TBC1D32: variants seen among roughly 807,000 people sequenced by gnomAD.
TBC1D32 encodes the protein TBC1 domain family member 32.
A neutral mutation model predicts 170.3 loss-of-function variants in TBC1D32; 151 were observed. The observed-to-expected ratio is 0.89, with a 90% confidence interval of 0.78 to 1.01. The LOEUF (loss-of-function observed/expected upper bound fraction) is 1.01. Ranked by LOEUF, TBC1D32 falls within the 50% of genes least tolerant of loss-of-function variation. The pLI is 0.00. For missense variants in TBC1D32, 1,464 were observed against 1,457.1 expected (o/e 1.00, Z -0.08); for synonymous variants, 498 against 488.0 (o/e 1.02, Z -0.27).
chr6:121,288,180 C>G (rs1243704299), intron 12 of TBC1D32, among the ~76,000 whole-genome samples: 3 of 152,026 alleles, frequency 2.0e-5, no homozygotes, highest in South Asian at 2.1e-4. Flanking sequence ...AATAAAGACA[C>G]AAAAAACTCT....
chr6:121,269,326 TAAAG>T (rs1801012818), intron 15 of TBC1D32, among the ~76,000 whole-genome samples: 2 of 151,944 alleles, frequency 1.3e-5, no homozygotes, highest in African/African-American at 4.8e-5. Context: ...GCAAATTGGA[TAAAG>T]AGTCAAGACC....
intron 21 of TBC1D32, among the ~76,000 whole-genome samples, chr6:121,215,724 T>C (rs1405210332): frequency 1.3e-5 from 2 of 150,848 alleles, no homozygotes; most frequent in Non-Finnish European, 2.9e-5. Context: ...AGAAGACATA[T>C]ATGTGGCCAA....
chr6:121,098,239 G>A (rs954044124), intron 30 of TBC1D32, among the ~76,000 whole-genome samples: 6 of 151,342 alleles, frequency 4.0e-5, no homozygotes, highest in Non-Finnish European at 7.4e-5. Context: ...AGTCAAAAAA[G>A]TTTGGTTAAA....
chr6:121,179,714 T>C (rs1788264485), intron 22 of TBC1D32, among the ~76,000 whole-genome samples: 1 of 152,172 alleles, frequency 6.6e-6, no homozygotes, highest in African/African-American at 2.4e-5. Flanking sequence ...CTGTACAAAA[T>C]ATTTGTGCAG....
intron 13 of TBC1D32, among the ~76,000 whole-genome samples, chr6:121,283,234 G>C (rs982796251): frequency 6.6e-6 from 1 of 151,754 alleles, no homozygotes; most frequent in African/African-American, 2.4e-5. Context: ...ATGCACACTG[G>C]TGTGTTTTAT....
Position 121,304,866 on chromosome 6 carries a change from G to A in TBC1D32, c.691-33C>T, listed in dbSNP as rs767657544. ...AATGAGACAGAAAATTTGCATCTAA[G>A]ATCTCACAAGAATAGAATAGAGATG... On this transcript the variant is annotated intron_variant, in intron 5 of 31. Coordinates refer to ENST00000398212, the MANE Select transcript of TBC1D32 (RefSeq NM_152730.6). The A allele has an allele frequency of 5.8e-6, 8 of 1,386,650 alleles. No individual in the cohort carries two copies. In the South Asian group the frequency reaches 9.7e-5, roughly 17 times the overall value. The allele number at this position is 1,386,650 out of a possible 1,614,324, so 85.9% of individuals were successfully genotyped here. A position where few individuals can be genotyped will look rare whatever the true frequency, so the allele number is the denominator to read the frequency against.
chr6:121,260,436 T>C (rs915875469), intron 15 of TBC1D32, among the ~76,000 whole-genome samples: 6 of 152,114 alleles, frequency 3.9e-5, no homozygotes, highest in African/African-American at 1.4e-4. Flanking sequence ...ATTTGAATCC[T>C]GCACTGGCAA....
At chr6:121,198,243 A>AT (rs1315811886) in intron 22 of TBC1D32, among the ~76,000 whole-genome samples, 1 of 141,440 alleles carries the variant, frequency 7.1e-6, no homozygotes, top group Non-Finnish European at 1.5e-5. Flanking sequence ...ATAAATATAT[A>AT]TATTATATAT....
At chr6:121,214,368 C>A (rs79600080) in intron 21 of TBC1D32, among the ~76,000 whole-genome samples, 3,662 of 152,270 alleles carry the variant, frequency 0.024, 162 homozygotes, top group East Asian at 0.12. Flanking sequence ...TCAGCTCATG[C>A]TACCAACCCA....
chr6:121,223,433 T>C, intron 20 of TBC1D32, 81 bp from the exon 21 acceptor site: 3 of 919,664 alleles, frequency 3.3e-6, no homozygotes, highest in South Asian at 3.0e-5. Flanking sequence ...TAGTTTCCTA[T>C]CTGTATGACT....
rs769531283 is a variant in TBC1D32, at chr6:121,281,540, G to A, written c.1608+4C>T. On this transcript the variant is annotated splice_donor_region_variant and intron_variant, in intron 14 of 31. Coordinates refer to ENST00000398212, the MANE Select transcript of TBC1D32 (RefSeq NM_152730.6). ...TCTTTTTCTCCTTAGTAAATAATAC[G>A]AACCTCATTTCCTTTCATTAAATTG... 3.9e-5 allele frequency: 62 copies of A among 1,600,932 alleles called. No individual in the cohort carries two copies. The South Asian group carries it at 4.0e-4, about 10-fold the overall frequency.
chr6:121,262,445 T>C (rs1359480359), intron 15 of TBC1D32, among the ~76,000 whole-genome samples: 4 of 151,054 alleles, frequency 2.6e-5, no homozygotes, highest in Non-Finnish European at 5.9e-5. Flanking sequence ...AAAAAATCTA[T>C]AGGCCAGAAG....
At position 121,095,305 on chromosome 6, in the gene TBC1D32, T is replaced by C. The variant is rs145991998; in HGVS notation, c.3466-4264A>G. ...AGGACATTAAGATGCCACACTGAGG[T>C]GCACATTATTTTATCTGAGGTAAAT... On this transcript the variant is annotated intron_variant, in intron 30 of 31. Transcript: ENST00000398212. Among the ~76,000 whole-genome samples the C allele has an allele frequency of 3.3e-5, 5 of 152,270 alleles. No homozygotes were observed. In the East Asian group the frequency reaches 9.6e-4, roughly 29 times the overall value.
At chr6:121,328,134 C>T (rs58006622) in intron 1 of TBC1D32, among the ~76,000 whole-genome samples, 7,724 of 151,996 alleles carry the variant, frequency 0.051, 369 homozygotes, top group African/African-American at 0.12. Context: ...CTTAAAATAT[C>T]GAGACTATAA....
At chr6:121,140,536 T>C (rs931202730) in intron 24 of TBC1D32, among the ~76,000 whole-genome samples, 1 of 152,060 alleles carries the variant, frequency 6.6e-6, no homozygotes, top group Non-Finnish European at 1.5e-5. Context: ...CTCTTTTATA[T>C]AGTATTTGAA....
At chr6:121,103,434 G>A (rs913664201) in intron 30 of TBC1D32, among the ~76,000 whole-genome samples, 11 of 151,980 alleles carry the variant, frequency 7.2e-5, no homozygotes, top group African/African-American at 2.7e-4. Flanking sequence ...GTCCTTTGTA[G>A]GGACATGGAT....
At chr6:121,297,074 G>C (rs752706512) in intron 10 of TBC1D32, among the ~76,000 whole-genome samples, 4 of 151,804 alleles carry the variant, frequency 2.6e-5, no homozygotes, top group Non-Finnish European at 5.9e-5. Flanking sequence ...ATCTTTATTT[G>C]AGAAAAGGTA....
chr6:121,169,878 A>T (rs1209772588), intron 22 of TBC1D32, among the ~76,000 whole-genome samples: 1 of 152,158 alleles, frequency 6.6e-6, no homozygotes, highest in Non-Finnish European at 1.5e-5. Context: ...AGTGTGATTT[A>T]TTAATGAAAA....
At chr6:121,278,763 G>T (rs2128441346) in intron 15 of TBC1D32, among the ~76,000 whole-genome samples, 1 of 152,196 alleles carries the variant, frequency 6.6e-6, no homozygotes, top group East Asian at 1.9e-4. Context: ...TAAGCACAGA[G>T]AAAGTCTAGA....
Sources: allele counts gnomAD v4.1 joint callset (sites outside exome capture counted in the v4.1 genomes callset), GRCh38; gene constraint gnomAD v4.1.1; transcripts MANE v1.5; gene names NCBI Gene and HGNC (gene_info 2026-07-23, HGNC 2026-07-21).